The following COL4A4 variants were observed in gnomAD, a reference collection of about 807,000 sequenced individuals.
COL4A4 encodes collagen type IV alpha 4 chain.
A neutral mutation model predicts 192.9 loss-of-function variants in COL4A4; 105 were observed. The observed-to-expected ratio is 0.54, with a 90% CI of 0.46 to 0.64. COL4A4 has a LOEUF of 0.64. COL4A4 is among the 30% of genes least tolerant of loss of function. COL4A4 has a pLI of 0.00. For missense variants in COL4A4, 1,967 were observed against 2,169.3 expected, an observed-to-expected ratio of 0.91 and a Z score of 1.85; for synonymous variants, 762 against 769.9, an observed-to-expected ratio of 0.99 and a Z score of 0.17.
chr2:226,984,124 TG>T, the COL4A4 span, among the ~76,000 whole-genome samples: 1 of 152,220 alleles, frequency 6.6e-6, no homozygotes, highest in Non-Finnish European at 1.5e-5. Context: ...AAAGCACATC[TG>T]TTCACCGCTC....
intron 38 of COL4A4, 147 bp downstream of exon 38, chr2:227,033,263 C>G: frequency 2.9e-6 from 2 of 687,614 alleles, no homozygotes; most frequent in Non-Finnish European, 5.2e-6. Context: ...CTAAAAATAG[C>G]TCCAATAGTG....
chr2:227,057,448 C>T lies in COL4A4; in HGVS notation c.2536G>A (p.Gly846Ser), dbSNP rs1431303701. ...PGQPGLPGYP[G>S]SPGAPGGKGQ... is the part of the protein sequence containing the mutation. ...AGTTCTTGACACTTACCTGGGCTAC[C>T]TGGATACCCAGGGAGTCCCGGTTGC... Residue 846 changes from glycine to serine, a missense_variant, in exon 29 of 48, where the codon GGT (glycine) becomes AGT (serine). Transcript: ENST00000396625. The T allele has an allele frequency of 6.2e-7, 1 of 1,606,116 alleles. No homozygotes were observed. Among genetic ancestry groups the T allele is most frequent in the East Asian group, 2.2e-5 (1 of 44,782 alleles).
intron 8 of COL4A4, 83 bp from the exon 9 acceptor site, chr2:227,111,796 A>G: frequency 7.0e-7 from 1 of 1,420,248 alleles, no homozygotes; most frequent in Non-Finnish European, 9.8e-7. Context: ...TATACACAAA[A>G]TTATCTGGAC....
intron 3 of COL4A4, among the ~76,000 whole-genome samples, chr2:227,142,040 T>C (rs760577486): frequency 1.9e-4 from 28 of 148,584 alleles, no homozygotes; most frequent in Non-Finnish European, 3.5e-4. Context: ...ATCACTGAGA[T>C]GTTTGCAGCA....
intron 1 of COL4A4, among the ~76,000 whole-genome samples, chr2:227,157,124 T>C (rs2064413649): frequency 6.6e-6 from 1 of 152,272 alleles, no homozygotes; most frequent in Admixed American, 6.5e-5. Flanking sequence ...ACTGAAATCT[T>C]GCAGATAATT....
At chr2:226,994,053 ATGTGTGCT>A in the COL4A4 span, among the ~76,000 whole-genome samples, 2 of 152,014 alleles carry the variant, frequency 1.3e-5, no homozygotes, top group African/African-American at 4.8e-5. Context: ...GTCCAAGGCC[ATGTGTGCT>A]GGCTGCTGCT....
chr2:227,146,514 A>G (rs115581972), intron 2 of COL4A4, among the ~76,000 whole-genome samples: 1,933 of 152,036 alleles, frequency 0.013, 27 homozygotes, highest in Non-Finnish European at 0.016. Flanking sequence ...ACAATCTCAT[A>G]TTGGTTTCCT....
intron 37 of COL4A4, among the ~76,000 whole-genome samples, chr2:227,036,368 C>A (rs1177061935): frequency 6.6e-6 from 1 of 152,152 alleles, no homozygotes; most frequent in African/African-American, 2.4e-5. Flanking sequence ...TGGGCTCATA[C>A]TTTTAACACA....
the COL4A4 span, among the ~76,000 whole-genome samples, chr2:226,977,100 A>G: frequency 6.6e-6 from 1 of 152,164 alleles, no homozygotes; most frequent in African/African-American, 2.4e-5. Flanking sequence ...TCATGGAAAA[A>G]GGGATCTTTT....
chr2:227,141,170 A>G (rs1392919709), intron 3 of COL4A4, among the ~76,000 whole-genome samples: 2 of 152,220 alleles, frequency 1.3e-5, no homozygotes, highest in African/African-American at 4.8e-5. Context: ...TCTAGGTGCT[A>G]GGACCCAAGG....
At chr2:227,022,264 C>G in intron 43 of COL4A4, 91 bp from the exon 44 acceptor site, 1 of 1,422,562 alleles carries the variant, frequency 7.0e-7, no homozygotes, top group Admixed American at 1.7e-5. Context: ...ACTTCTGACA[C>G]TATACTGAAA....
intron 25 of COL4A4, among the ~76,000 whole-genome samples, chr2:227,074,667 A>T (rs1213054571): frequency 3.9e-5 from 6 of 152,180 alleles, no homozygotes; most frequent in Non-Finnish European, 1.5e-5. Context: ...CCTGTTGACT[A>T]ATGAGTGGAT....
At chr2:227,140,896 C>CACAA (rs1553709500) in intron 3 of COL4A4, among the ~76,000 whole-genome samples, 4 of 151,244 alleles carry the variant, frequency 2.6e-5, no homozygotes, top group African/African-American at 9.7e-5. Context: ...CACACACACA[C>CACAA]ACACACACAC....
At chr2:227,140,320 C>G (rs749458171) in intron 3 of COL4A4, 82 bp from the exon 4 acceptor site, 4 of 1,146,754 alleles carry the variant, frequency 3.5e-6, no homozygotes, top group Non-Finnish European at 5.3e-6. Context: ...AACAAGCACT[C>G]TTGGTTTACC....
intron 19 of COL4A4, 95 bp from the exon 20 acceptor site, chr2:227,094,384 C>G: frequency 7.6e-7 from 1 of 1,319,836 alleles, no homozygotes; most frequent in Non-Finnish European, 1.1e-6. Context: ...CTTAGGTTAT[C>G]GAATTTTTTA....
Position 227,047,508 on chromosome 2 carries a change from G to A in COL4A4, c.3256C>T (p.Pro1086Ser), listed in dbSNP as rs1286834392. The change falls in exon 35 of 48, where the codon CCA (proline) becomes TCA (serine). Residue 1086 changes from proline (P) to serine (S), a missense_variant. Physicochemically the swap from Pro to Ser is moderately conservative, Grantham distance 74. Coordinates refer to ENST00000396625, the MANE Select transcript of COL4A4 (RefSeq NM_000092.5). ...DPASHFGPPG[P>S]KGEPGSPGCP... Reference sequence around the variant, plus strand: ...CCAGGGCTACCTGGCTCACCCTTTGGACCAGGTGGACCAAAGTGACTGGCA... The same window carrying A: ...CCAGGGCTACCTGGCTCACCCTTTGAACCAGGTGGACCAAAGTGACTGGCA... 1.9e-6 allele frequency: 3 copies of A among 1,613,672 alleles called. No homozygotes were observed. Among genetic ancestry groups the A allele is most frequent in the African/African-American group, 2.7e-5 (2 of 74,876 alleles).
intron 44 of COL4A4, among the ~76,000 whole-genome samples, chr2:227,013,022 C>T (rs544797651): frequency 6.6e-6 from 1 of 152,254 alleles, no homozygotes; most frequent in South Asian, 2.1e-4. Context: ...AGACCCTGCG[C>T]CTGACAAGCT....
At chr2:227,094,349 A>G in intron 19 of COL4A4, 60 bp from the exon 20 acceptor site, 2 of 1,545,032 alleles carry the variant, frequency 1.3e-6, no homozygotes, top group Non-Finnish European at 1.8e-6. Context: ...TCTCTGTAGA[A>G]GAAATCAAGA....
intron 4 of COL4A4, among the ~76,000 whole-genome samples, chr2:227,126,582 T>G (rs957304706): frequency 1.3e-5 from 2 of 152,228 alleles, no homozygotes; most frequent in Non-Finnish European, 2.9e-5. Flanking sequence ...TTCTCCTTTT[T>G]TACAACTGTG....
Sources: gnomAD v4.1 joint callset for allele counts (sites outside exome capture counted in the v4.1 genomes callset) on GRCh38, gnomAD v4.1.1 for gene constraint, MANE v1.5 for transcripts, NCBI Gene and HGNC (gene_info 2026-07-23, HGNC 2026-07-21) for gene names.